Variants in TRPC1 observed in about 807,000 individuals in gnomAD.
The protein encoded by TRPC1 is short transient receptor potential channel 1.
TRPC1 carries 42 observed loss-of-function variants against 88.2 expected under a neutral mutation model. The ratio of observed to expected loss-of-function variants is 0.48; its 90% CI spans 0.37 to 0.62. TRPC1 has a LOEUF of 0.62. Among genes scored for constraint, TRPC1 ranks in the 20% least tolerant of loss-of-function variants. The probability of loss-of-function intolerance (pLI) is 0.00; values close to 1 mark genes in which losing one functional copy is unlikely to be tolerated. For missense variants in TRPC1, 699 were observed against 957.3 expected (o/e 0.73, Z 3.56); for synonymous variants, 288 against 331.8 (o/e 0.87, Z 1.43).
At chr3:142,804,412 C>T (rs1226367210) in intron 11 of TRPC1, 24 bp from the exon 12 acceptor site, 2 of 1,581,930 alleles carry the variant, frequency 1.3e-6, no homozygotes, top group Non-Finnish European at 1.7e-6. Context: ...TTCTAGTTTG[C>T]TTTTTAATTT....
At chr3:142,726,082 A>G (rs747094998) in intron 1 of TRPC1, among the ~76,000 whole-genome samples, 2 of 152,206 alleles carry the variant, frequency 1.3e-5, no homozygotes, top group Non-Finnish European at 2.9e-5. Flanking sequence ...ATTATGTAAA[A>G]TTATTTAGTA....
At chr3:142,780,285 G>A (rs1273960478) in intron 5 of TRPC1, among the ~76,000 whole-genome samples, 3 of 152,090 alleles carry the variant, frequency 2.0e-5, no homozygotes, top group South Asian at 2.1e-4. Flanking sequence ...TTTGTTAGGC[G>A]CATTTTAATA....
At chr3:142,772,675 T>C (rs1935619066) in intron 4 of TRPC1, among the ~76,000 whole-genome samples, 1 of 152,094 alleles carries the variant, frequency 6.6e-6, no homozygotes, top group Non-Finnish European at 1.5e-5. Context: ...TAGTCCCAGC[T>C]ACTCAAGAGG....
chr3:142,755,596 T>G (rs1934933801), intron 4 of TRPC1, among the ~76,000 whole-genome samples: 1 of 152,192 alleles, frequency 6.6e-6, no homozygotes, highest in African/African-American at 2.4e-5. Flanking sequence ...TAATCTTGCC[T>G]CATTTACTCC....
chr3:142,777,495 T>C (rs1027184006), intron 4 of TRPC1, 137 bp from the exon 5 acceptor site: 1 of 493,902 alleles, frequency 2.0e-6, no homozygotes, highest in Non-Finnish European at 3.1e-6. Context: ...ATGGAGGTTA[T>C]CTTGTAATAA....
At position 142,767,763 on chromosome 3, in the gene TRPC1, G is replaced by A. The variant is rs768330402; in HGVS notation, c.633-9869G>A. On this transcript the variant is annotated intron_variant, in intron 4 of 12. Transcript: ENST00000476941. The surrounding 1 kb of genome is among the most constrained non-coding windows in gnomAD (Gnocchi z 5.1). ...TACTAAATCTACTTTCTGTCCCTAC[G>A]GATGTACCTGTTCTGGATATTTCAT... Among the ~76,000 whole-genome samples the A allele has an allele frequency of 1.9e-4, 29 of 151,576 alleles. No individual in the cohort carries two copies. Among genetic ancestry groups the A allele is most frequent in the Non-Finnish European group, 3.7e-4 (25 of 67,874 alleles).
chr3:142,766,078 A>G (rs55722370), intron 4 of TRPC1, among the ~76,000 whole-genome samples: 46,885 of 151,978 alleles, frequency 0.31, 9,161 homozygotes, highest in African/African-American at 0.57. Context: ...GAGAAAAAGG[A>G]ACGCTTATGT....
At chr3:142,761,153 A>C (rs1224858616) in intron 4 of TRPC1, among the ~76,000 whole-genome samples, 2 of 152,104 alleles carry the variant, frequency 1.3e-5, no homozygotes, top group Non-Finnish European at 2.9e-5. Flanking sequence ...AGTGGGCATC[A>C]TCATCTTGTT....
intron 5 of TRPC1, among the ~76,000 whole-genome samples, chr3:142,778,647 A>C (rs2108112806): frequency 6.6e-6 from 1 of 152,236 alleles, no homozygotes; most frequent in African/African-American, 2.4e-5. Flanking sequence ...AACTATTCCT[A>C]CCTTTTCTTT....
At chr3:142,802,412 T>C in intron 10 of TRPC1, 68 bp downstream of exon 10, 1 of 1,100,882 alleles carries the variant, frequency 9.1e-7, no homozygotes, top group Non-Finnish European at 1.2e-6. Context: ...TCTATATGAA[T>C]TAGTATCTAT....
intron 1 of TRPC1, among the ~76,000 whole-genome samples, chr3:142,731,908 A>T (rs1933936981): frequency 6.6e-6 from 1 of 152,194 alleles, no homozygotes; most frequent in African/African-American, 2.4e-5. Context: ...GTGTCCATAA[A>T]CAAAATTTTC....
At chr3:142,744,614 G>A (rs1178647920) in intron 3 of TRPC1, among the ~76,000 whole-genome samples, 5 of 152,024 alleles carry the variant, frequency 3.3e-5, no homozygotes, top group Non-Finnish European at 7.4e-5. Context: ...CGTAGTAAGT[G>A]GAATACTTAC....
chr3:142,770,093 C>CTTTTTTTTTTTTTT (rs779905124), intron 4 of TRPC1, among the ~76,000 whole-genome samples: 3 of 95,262 alleles, frequency 3.1e-5, no homozygotes, highest in African/African-American at 9.6e-5. Context: ...TTGTATGTTC[C>CTTTTTTTTTTTTTT]TTTTTTTTTT....
chr3:142,728,437 G>C (rs1254404241), intron 1 of TRPC1, among the ~76,000 whole-genome samples: 1 of 151,546 alleles, frequency 6.6e-6, no homozygotes, highest in Non-Finnish European at 1.5e-5. Flanking sequence ...CTCAGCCTCA[G>C]CCTCCTGAGT....
At chr3:142,754,741 G>T (rs570328923) in intron 4 of TRPC1, among the ~76,000 whole-genome samples, 27 of 152,220 alleles carry the variant, frequency 1.8e-4, no homozygotes, top group Non-Finnish European at 2.9e-4. Context: ...GTTGGCTGGG[G>T]TCATGTTAGG....
chr3:142,794,317 G>A (rs1276616663), intron 9 of TRPC1, among the ~76,000 whole-genome samples: 4 of 151,742 alleles, frequency 2.6e-5, no homozygotes, highest in Admixed American at 1.3e-4. Context: ...ATTTCTTTAT[G>A]GACTCCTATA....
intron 4 of TRPC1, among the ~76,000 whole-genome samples, chr3:142,764,668 CT>C (rs1458640583): frequency 6.6e-6 from 1 of 151,876 alleles, no homozygotes; most frequent in African/African-American, 2.4e-5. Context: ...TTATTTGCTT[CT>C]TTTCTGTAGC....
At chr3:142,800,778 C>A (rs902546559) in intron 9 of TRPC1, among the ~76,000 whole-genome samples, 1 of 151,788 alleles carries the variant, frequency 6.6e-6, no homozygotes, top group African/African-American at 2.4e-5. Flanking sequence ...ATTAGCTGGG[C>A]ATGGTGGTGG....
chr3:142,755,778 A>T (rs756559452), intron 4 of TRPC1, among the ~76,000 whole-genome samples: 10 of 152,190 alleles, frequency 6.6e-5, no homozygotes, highest in Non-Finnish European at 1.5e-4. Context: ...TAGGGCCTCA[A>T]AAAAGGCTTT....
Sources: allele counts gnomAD v4.1 joint callset (sites outside exome capture counted in the v4.1 genomes callset), GRCh38; gene constraint gnomAD v4.1.1; non-coding constraint Gnocchi (gnomAD v3.1); transcripts MANE v1.5; gene names NCBI Gene and HGNC (gene_info 2026-07-23, HGNC 2026-07-21).